SPATA13: variants seen among roughly 807,000 people sequenced by gnomAD.
SPATA13 encodes spermatogenesis-associated protein 13.
Under a neutral mutation model 104.0 loss-of-function variants are expected in SPATA13, and 50 were observed. The ratio of observed to expected loss-of-function variants is 0.48; its 90% CI spans 0.38 to 0.61. The LOEUF is 0.61. Among genes scored for constraint, SPATA13 ranks in the 20% least tolerant of loss-of-function variants. The pLI is 0.00. For missense variants in SPATA13, 1,524 were observed against 1,690.6 expected (o/e 0.90, Z 1.73); for synonymous variants, 606 against 667.5 (o/e 0.91, Z 1.42).
At chr13:24,057,677 G>A (rs1465669775) in intron 3 of SPATA13, among the ~76,000 whole-genome samples, 1 of 151,912 alleles carries the variant, frequency 6.6e-6, no homozygotes, top group African/African-American at 2.4e-5. Flanking sequence ...ACTTCCTGAA[G>A]ACGGGCAAGC....
chr13:24,219,227 C>T (rs1290329302), intron 1 of SPATA13, among the ~76,000 whole-genome samples: 1 of 152,132 alleles, frequency 6.6e-6, no homozygotes, highest in African/African-American at 2.4e-5. Context: ...CTAAATAATG[C>T]AACTTGGTAT....
chr13:24,290,351 A>G (rs12875385), intron 8 of SPATA13, among the ~76,000 whole-genome samples: 59,270 of 152,042 alleles, frequency 0.39, 11,564 homozygotes, highest in Middle Eastern at 0.58. Context: ...CCTGCTCCCC[A>G]CCTTCCAGGA....
At chr13:24,033,124 G>A (rs1410925562) in intron 3 of SPATA13, among the ~76,000 whole-genome samples, 1 of 152,218 alleles carries the variant, frequency 6.6e-6, no homozygotes, top group Non-Finnish European at 1.5e-5. Flanking sequence ...GGTAGCAGGT[G>A]AAAGTCCCCA....
rs551286194 is a variant in SPATA13 at position 24,039,633 on chromosome 13, T to C, written c.-112+21932T>C. Among the ~76,000 whole-genome samples the C allele has an allele frequency of 1.2e-3, 189 of 152,294 alleles. 1 individual carries two copies. The highest frequency in any genetic ancestry group is 3.8e-3 in the Admixed American group (58 of 15,296). On this transcript the variant is annotated intron_variant, in intron 3 of 14. Coordinates refer to the SPATA13 transcript ENST00000424834. Reference sequence around the variant, plus strand: ...TTCTTAGTTCTTGCTCTGGTTGTTCTTCCTTTTGTCTCTTGCTGTTCTGTG... The same window carrying C: ...TTCTTAGTTCTTGCTCTGGTTGTTCCTCCTTTTGTCTCTTGCTGTTCTGTG...
In SPATA13 at chr13:24,223,130, C is replaced by G; in HGVS notation, c.201C>G (p.Leu67=). 1 of 1,551,760 alleles carries G rather than the reference C, an allele frequency of 6.4e-7. No homozygotes were observed. The highest frequency in any genetic ancestry group is 8.7e-7 in the Non-Finnish European group (1 of 1,147,020). Residue 67 remains leucine, a synonymous_variant, in exon 2 of 13, where the codon CTC becomes CTG. Transcript: ENST00000382108. ...GGDTDTQEAK[L]SPAKLVRLFS... is the part of the protein sequence containing the mutation. ...ACACGGACACCCAGGAAGCCAAACT[C>G]AGCCCAGCCAAGCTTGTGCGCCTCT...
rs141098280 is a variant in SPATA13 at position 24,041,614 on chromosome 13, GTTTTC to G, written c.-112+23919_-112+23923del. 9.5e-3 allele frequency among the ~76,000 whole-genome samples: 1,450 copies of G among 152,312 alleles called. 26 individuals carry two copies. Among genetic ancestry groups the G allele is most frequent in the African/African-American group, 0.031 (1,309 of 41,566 alleles). Reference sequence around the variant, plus strand: ...GGAACCATGGTGATGTTAAGGAAATGTTTTCTTTTCATTCTTTTTCTTCTTAGTGG... The same window carrying G: ...GGAACCATGGTGATGTTAAGGAAATGTTTTCATTCTTTTTCTTCTTAGTGG... On this transcript the variant is annotated intron_variant, in intron 3 of 14. Transcript: ENST00000424834.
At chr13:24,170,150 C>T (rs1395630209) in intron 1 of SPATA13, among the ~76,000 whole-genome samples, 2 of 152,218 alleles carry the variant, frequency 1.3e-5, no homozygotes, top group Non-Finnish European at 1.5e-5. Context: ...ATGCTCCAGC[C>T]ACTGCCTCAG....
chr13:24,276,870 G>T (rs537236408), intron 4 of SPATA13, among the ~76,000 whole-genome samples: 1 of 152,284 alleles, frequency 6.6e-6, no homozygotes, highest in Admixed American at 6.5e-5. Context: ...CCGGCCTGTG[G>T]GTCTGGCCAT....
At chr13:24,164,067 A>G (rs1021538142) in intron 1 of SPATA13, among the ~76,000 whole-genome samples, 3 of 152,246 alleles carry the variant, frequency 2.0e-5, no homozygotes, top group Admixed American at 1.3e-4. Context: ...AACACCAGGA[A>G]TGAACACCAA....
At chr13:24,027,757 C>G (rs969454566) in intron 3 of SPATA13, among the ~76,000 whole-genome samples, 2 of 152,142 alleles carry the variant, frequency 1.3e-5, no homozygotes, top group Admixed American at 1.3e-4. Flanking sequence ...TTGGGTAACA[C>G]CAGTATCATA....
At chr13:24,014,007 G>A (rs780084660) in intron 2 of SPATA13, among the ~76,000 whole-genome samples, 7 of 152,142 alleles carry the variant, frequency 4.6e-5, no homozygotes, top group South Asian at 2.1e-4. Flanking sequence ...CTCCAAACCC[G>A]TCACGCAAAG....
intron 3 of SPATA13, among the ~76,000 whole-genome samples, chr13:24,104,319 T>C (rs891133205): frequency 6.6e-6 from 1 of 152,152 alleles, no homozygotes; most frequent in African/African-American, 2.4e-5. Context: ...CATCTTAATT[T>C]AAAGGGATCC....
intron 1 of SPATA13, among the ~76,000 whole-genome samples, chr13:24,175,354 T>C (rs1883173490): frequency 6.6e-6 from 1 of 152,168 alleles, no homozygotes; most frequent in South Asian, 2.1e-4. Flanking sequence ...ATAGGGAGGC[T>C]AAAAGTCTAC....
Position 24,294,798 on chromosome 13 carries a change from A to ACGAGCG in SPATA13, c.3142_3147dup (p.Glu1048_Arg1049dup), listed in dbSNP as rs1482229669. The ACGAGCG allele has an allele frequency of 1.9e-6, 3 of 1,611,394 alleles. No homozygotes were observed. Among genetic ancestry groups the ACGAGCG allele is most frequent in the Non-Finnish European group, 1.7e-6 (2 of 1,177,718 alleles). On this transcript the variant is annotated inframe_insertion, in exon 10 of 13. Coordinates refer to ENST00000382108, the MANE Select transcript of SPATA13 (RefSeq NM_001166271.3). ...ATGAAGAATGTGGCCTGTCTGATCA[A>ACGAGCG]CGAGCGCAAGCGCAAGCTGGAGAGC...
rs1881109377 is a variant in SPATA13 at position 24,123,509 on chromosome 13, A to G, written c.-111-99310A>G. The G allele has an allele frequency of 1.9e-6, 3 of 1,610,748 alleles. No homozygotes were observed. The South Asian group carries it at 3.3e-5, about 18-fold the overall frequency. ...AAGAGCCAATCATATGCAGGGCTCC[A>G]TCTTTTTTTCGAGGGTCAGCATTTG... On this transcript the variant is annotated intron_variant, in intron 3 of 14. Transcript: ENST00000424834.
intron 1 of SPATA13, 41 bp downstream of exon 1, chr13:24,160,973 G>A: frequency 2.1e-6 from 2 of 974,300 alleles, no homozygotes; most frequent in Non-Finnish European, 2.4e-6. Context: ...GGGCGGGCGC[G>A]GGCATGGGCT....
At chr13:24,174,952 T>A (rs1476702866) in intron 1 of SPATA13, among the ~76,000 whole-genome samples, 1 of 152,234 alleles carries the variant, frequency 6.6e-6, no homozygotes, top group African/African-American at 2.4e-5. Flanking sequence ...TCCAGATGTT[T>A]GGAGATTTTT....
At chr13:24,021,056 G>A (rs1876951775) in intron 3 of SPATA13, among the ~76,000 whole-genome samples, 1 of 152,114 alleles carries the variant, frequency 6.6e-6, no homozygotes, top group African/African-American at 2.4e-5. Context: ...ATAAATAATT[G>A]GAGTGGCTCA....
Position 24,177,867 on chromosome 13 carries a change from AT to A in SPATA13, c.-112+16944del, listed in dbSNP as rs1174201689. On this transcript the variant is annotated intron_variant, in intron 1 of 12. Transcript: ENST00000382108. Reference sequence around the variant, plus strand: ...TTGGGGATAGGATTTCAACATATGAATTTTTTTTTAATTGGGCCTCACTTTG... The same window carrying A: ...TTGGGGATAGGATTTCAACATATGAATTTTTTTTAATTGGGCCTCACTTTG... Among the ~76,000 whole-genome samples the A allele has an allele frequency of 1.7e-4, 25 of 151,196 alleles. No individual in the cohort carries two copies. The South Asian group carries it at 4.4e-3, about 27-fold the overall frequency.
Sources: gnomAD v4.1 joint callset for allele counts (sites outside exome capture counted in the v4.1 genomes callset) on GRCh38, gnomAD v4.1.1 for gene constraint, MANE v1.5 for transcripts, NCBI Gene and HGNC (gene_info 2026-07-23, HGNC 2026-07-21) for gene names.